Variants in INTU observed in about 807,000 individuals in gnomAD.
The protein encoded by INTU is protein inturned.
In INTU, 68 loss-of-function variants were observed where a neutral mutation model predicts 100.5. The ratio of observed to expected loss-of-function variants is 0.68; its 90% CI spans 0.56 to 0.83. The LOEUF is 0.83. INTU is among the 40% of genes least tolerant of loss of function. INTU has a pLI of 0.00. For missense variants in INTU, 1,071 were observed against 1,114.7 expected (o/e 0.96, Z 0.56); for synonymous variants, 357 against 395.7 (o/e 0.90, Z 1.16).
chr4:127,712,401 A>C (rs756643168), intron 14 of INTU, among the ~76,000 whole-genome samples: 1 of 152,180 alleles, frequency 6.6e-6, no homozygotes, highest in Non-Finnish European at 1.5e-5. Flanking sequence ...TTATAAAGGA[A>C]TATTTCATTT....
chr4:127,677,325 C>T lies in INTU; in HGVS notation c.1181+3112C>T, dbSNP rs1444824910. ...AAGTGGGTCCCTGACCCCTGACCCCCGAGCAGCCTAACTGGGAGGCACCCC... is the reference window on the plus strand; with the variant it reads ...AAGTGGGTCCCTGACCCCTGACCCCTGAGCAGCCTAACTGGGAGGCACCCC... On this transcript the variant is annotated intron_variant, in intron 6 of 15. Transcript: ENST00000335251. Among the ~76,000 whole-genome samples the T allele has an allele frequency of 4.8e-4, 73 of 151,346 alleles. 1 individual carries two copies. Among genetic ancestry groups the T allele is most frequent in the Admixed American group, 2.6e-4 (4 of 15,238 alleles).
At position 127,708,528 on chromosome 4, in the gene INTU, C is replaced by T. The variant is rs769646319; in HGVS notation, c.2272-43C>T. On this transcript the variant is annotated intron_variant, in intron 12 of 15. Transcript: ENST00000335251. ...TTTAAATTGTTTCTGCTATATGATT[C>T]CATTCTTAGATATAAACTGATCTAC... is the stretch of plus-strand genomic sequence containing the variant. 22 of 1,006,286 alleles carry T rather than the reference C, an allele frequency of 2.2e-5. 1 individual carries two copies. The highest frequency in any genetic ancestry group is 1.8e-4 in the South Asian group (13 of 70,582). The allele number at this position is 1,006,286 out of a possible 1,614,324, so 62.3% of individuals were successfully genotyped here.
chr4:127,706,887 C>G lies in INTU; in HGVS notation c.2189C>G (p.Pro730Arg), dbSNP rs1353276835. 4 of 1,613,836 alleles carry G rather than the reference C, an allele frequency of 2.5e-6. No homozygotes were observed. Among genetic ancestry groups the G allele is most frequent in the East Asian group, 2.2e-5 (1 of 44,892 alleles). ...CEGGEDDGFS[P>R]HTTPDAVRKQ... is the part of the protein sequence containing the mutation. The stretch of plus-strand genomic sequence containing the variant: ...GGTGGAGAAGATGATGGCTTTAGCC[C>G]CCATACTACACCGGATGCAGTACGG... Residue 730 changes from proline to arginine, a missense_variant, in exon 12 of 16, where the codon CCC becomes CGC. Pro to Arg is a moderately radical substitution (Grantham distance 103). Coordinates refer to ENST00000335251, the MANE Select transcript of INTU (RefSeq NM_015693.4).
chr4:127,653,753 C>G (rs886445296), intron 2 of INTU, among the ~76,000 whole-genome samples: 2 of 151,060 alleles, frequency 1.3e-5, no homozygotes, highest in Admixed American at 1.3e-4. Flanking sequence ...TGGTGCAGAG[C>G]TGAGTTCAAT....
At chr4:127,669,707 C>A (rs549473518) in intron 5 of INTU, among the ~76,000 whole-genome samples, 1 of 151,892 alleles carries the variant, frequency 6.6e-6, no homozygotes, top group East Asian at 1.9e-4. Context: ...GTGAATTTTC[C>A]TGCCCTCCCA....
chr4:127,643,449 C>A (rs1727421184), intron 1 of INTU, 72 bp from the exon 2 acceptor site: 1 of 1,274,592 alleles, frequency 7.8e-7, no homozygotes, highest in African/African-American at 1.5e-5. Context: ...ACCCTCACCC[C>A]CATGCCAGGA....
chr4:127,677,308 C>G (rs1729261469), intron 6 of INTU, among the ~76,000 whole-genome samples: 1 of 151,864 alleles, frequency 6.6e-6, no homozygotes, highest in Non-Finnish European at 1.5e-5. Context: ...TCAAGTGGGT[C>G]CCTGACCCCT....
At position 127,725,788 on chromosome 4, in the gene INTU, C is replaced by T. The variant is rs1560626707; in HGVS notation, c.*9352C>T. The T allele has an allele frequency of 1.3e-5, 2 of 152,188 alleles. No homozygotes were observed. The highest frequency in any genetic ancestry group is 1.9e-4 in the East Asian group (1 of 5,206). 9.4% of individuals were successfully genotyped at this position (152,188 alleles called of 1,614,324 possible). A position where few individuals can be genotyped will look rare whatever the true frequency, so the allele number is the denominator to read the frequency against. On this transcript the variant is annotated 3_prime_UTR_variant, in exon 16 of 16. Coordinates refer to ENST00000335251, the MANE Select transcript of INTU (RefSeq NM_015693.4). ...TGCATTTTTAAGAAATAAAATCACA[C>T]ATCTTATTTTTTCATTTCTAAATGG...
At chr4:127,712,108 C>A (rs1170784251) in intron 14 of INTU, among the ~76,000 whole-genome samples, 2 of 152,084 alleles carry the variant, frequency 1.3e-5, no homozygotes, top group African/African-American at 4.8e-5. Context: ...GTTAGGGATG[C>A]CAAATTTGTG....
At chr4:127,655,836 G>C (rs1338945481) in intron 2 of INTU, among the ~76,000 whole-genome samples, 1 of 152,140 alleles carries the variant, frequency 6.6e-6, no homozygotes, top group Non-Finnish European at 1.5e-5. Flanking sequence ...CTGCCGCCTT[G>C]CAGTTTGATC....
intron 4 of INTU, 80 bp downstream of exon 4, chr4:127,663,664 C>T (rs1413907011): frequency 1.9e-6 from 2 of 1,049,966 alleles, no homozygotes; most frequent in Non-Finnish European, 2.9e-6. Context: ...TATCGTATTC[C>T]CAGTGAATAG....
At chr4:127,675,812 G>T in intron 6 of INTU, 1 of 178,204 alleles carries the variant, frequency 5.6e-6, no homozygotes, top group South Asian at 1.0e-4. Context: ...GACAGAAAGA[G>T]GGGGATGCTA....
At chr4:127,706,464 A>G (rs1414183416) in intron 11 of INTU, 23 bp from the exon 12 acceptor site, 1 of 1,573,622 alleles carries the variant, frequency 6.4e-7, no homozygotes, top group East Asian at 2.3e-5. Context: ...CTAAACCTAC[A>G]TTTGTAATTT....
chr4:127,676,586 A>G (rs1729196890), intron 6 of INTU, among the ~76,000 whole-genome samples: 2 of 131,996 alleles, frequency 1.5e-5, no homozygotes, highest in Admixed American at 1.5e-4. Context: ...ACAATGTCTC[A>G]AAAAAAAAAA....
intron 6 of INTU, among the ~76,000 whole-genome samples, chr4:127,681,907 G>A (rs1229222941): frequency 2.0e-5 from 3 of 151,720 alleles, no homozygotes; most frequent in Admixed American, 2.0e-4. Flanking sequence ...AAATCTGCAA[G>A]AAAAAAACAA....
At chr4:127,658,917 C>T (rs1159441247) in intron 3 of INTU, among the ~76,000 whole-genome samples, 3 of 152,124 alleles carry the variant, frequency 2.0e-5, no homozygotes, top group East Asian at 3.9e-4. Flanking sequence ...GAGCCCTGAG[C>T]TTGTATTCCT....
chr4:127,636,647 C>T (rs542256669), intron 1 of INTU, among the ~76,000 whole-genome samples: 1 of 151,722 alleles, frequency 6.6e-6, no homozygotes, highest in East Asian at 1.9e-4. Context: ...TACAGCAAAG[C>T]CCTAACACAA....
In INTU at chr4:127,723,664, T is replaced by A. The variant is rs932945874; in HGVS notation, c.*7228T>A. On this transcript the variant is annotated 3_prime_UTR_variant, in exon 16 of 16. Coordinates refer to ENST00000335251, the MANE Select transcript of INTU (RefSeq NM_015693.4). ...TTTGTCAACTTTATTTTTTTTTGTT[T>A]GTTTTTGTTAAAATACATTCAGCGG... is the stretch of plus-strand genomic sequence containing the variant. 6.6e-6 allele frequency: 1 copy of A among 152,140 alleles called. No individual in the cohort carries two copies. Among genetic ancestry groups the A allele is most frequent in the Non-Finnish European group, 1.5e-5 (1 of 68,040 alleles). 9.4% of individuals were successfully genotyped at this position (152,140 alleles called of 1,614,324 possible). A position where few individuals can be genotyped will look rare whatever the true frequency, so the allele number is the denominator to read the frequency against.
chr4:127,683,491 A>G (rs1729676766), intron 6 of INTU, among the ~76,000 whole-genome samples: 1 of 152,168 alleles, frequency 6.6e-6, no homozygotes, highest in Non-Finnish European at 1.5e-5. Context: ...AACATTTTGC[A>G]TGTGCTTTGT....
Sources: allele counts gnomAD v4.1 joint callset (sites outside exome capture counted in the v4.1 genomes callset), GRCh38; gene constraint gnomAD v4.1.1; transcripts MANE v1.5; gene names NCBI Gene and HGNC (gene_info 2026-07-23, HGNC 2026-07-21).